GRIP1: variants seen among roughly 807,000 people sequenced by gnomAD.
The protein encoded by GRIP1 is glutamate receptor interacting protein 1, also known as glutamate receptor-interacting protein 1.
GRIP1 carries 45 observed loss-of-function variants against 129.9 expected under a neutral mutation model. That is an observed-to-expected ratio of 0.35 (90% CI 0.27 to 0.44). GRIP1 has a LOEUF of 0.44. Among genes scored for constraint, GRIP1 ranks in the 20% least tolerant of loss-of-function variants. The pLI is 1.00. For missense variants in GRIP1, 1,196 were observed against 1,396.8 expected (o/e 0.86, Z 2.29); for synonymous variants, 530 against 520.8 (o/e 1.02, Z -0.24).
At chr12:66,435,600 G>A (rs770005348) in intron 13 of GRIP1, among the ~76,000 whole-genome samples, 2 of 152,192 alleles carry the variant, frequency 1.3e-5, no homozygotes, top group Admixed American at 6.5e-5. Flanking sequence ...ATCTGTATAC[G>A]TATATAGCAT....
chr12:66,935,025 A>G (rs1032390804), intron 1 of GRIP1, among the ~76,000 whole-genome samples: 1 of 152,222 alleles, frequency 6.6e-6, no homozygotes, highest in Non-Finnish European at 1.5e-5. Flanking sequence ...AAAGGCTTGA[A>G]TCAGAAACAT....
intron 1 of GRIP1, among the ~76,000 whole-genome samples, chr12:66,693,399 C>T (rs574441974): frequency 6.6e-6 from 1 of 152,178 alleles, no homozygotes; most frequent in Non-Finnish European, 1.5e-5. Flanking sequence ...TCAGTTGGGG[C>T]TGGACAATGG....
At chr12:66,592,894 T>C (rs2139725575) in intron 2 of GRIP1, among the ~76,000 whole-genome samples, 1 of 152,350 alleles carries the variant, frequency 6.6e-6, no homozygotes, top group African/African-American at 2.4e-5. Context: ...TAAACATTGA[T>C]ATATGGTAGA....
intron 1 of GRIP1, among the ~76,000 whole-genome samples, chr12:67,002,635 G>A (rs2042567901): frequency 6.6e-6 from 1 of 152,100 alleles, no homozygotes; most frequent in Non-Finnish European, 1.5e-5. Flanking sequence ...GATTAATTGG[G>A]TTCATGATTC....
intron 1 of GRIP1, among the ~76,000 whole-genome samples, chr12:66,845,414 G>A (rs944004791): frequency 6.6e-6 from 1 of 152,142 alleles, no homozygotes; most frequent in Non-Finnish European, 1.5e-5. Flanking sequence ...CCGAGATCAG[G>A]CCACTGCACT....
intron 1 of GRIP1, among the ~76,000 whole-genome samples, chr12:66,845,099 A>T (rs2039790099): frequency 1.3e-5 from 2 of 152,338 alleles, no homozygotes; most frequent in South Asian, 4.1e-4. Flanking sequence ...TAAGATAGCA[A>T]ATTTCATGTT....
chr12:66,466,782 T>C (rs1267528447), intron 7 of GRIP1, among the ~76,000 whole-genome samples: 1 of 152,232 alleles, frequency 6.6e-6, no homozygotes, highest in Non-Finnish European at 1.5e-5. Flanking sequence ...CATATTGGTC[T>C]GTAATCTTTT....
chr12:67,045,084 C>T (rs1439687579), intron 1 of GRIP1, among the ~76,000 whole-genome samples: 1 of 152,200 alleles, frequency 6.6e-6, no homozygotes, highest in East Asian at 1.9e-4. Context: ...ATGCGCTCAA[C>T]ACTACTTGAG....
At chr12:66,477,065 T>G (rs2059639052) in intron 7 of GRIP1, among the ~76,000 whole-genome samples, 1 of 152,078 alleles carries the variant, frequency 6.6e-6, no homozygotes, top group Non-Finnish European at 1.5e-5. Flanking sequence ...GGGTATTCAA[T>G]TAGGAAAAGA....
At chr12:66,460,990 T>C (rs2059119291) in intron 9 of GRIP1, among the ~76,000 whole-genome samples, 1 of 152,198 alleles carries the variant, frequency 6.6e-6, no homozygotes, top group South Asian at 2.1e-4. Context: ...CAACTTTCAG[T>C]AAACGTAGAC....
At chr12:66,794,877 T>A (rs891446008) in intron 1 of GRIP1, among the ~76,000 whole-genome samples, 4 of 152,182 alleles carry the variant, frequency 2.6e-5, no homozygotes, top group African/African-American at 9.6e-5. Context: ...CATTGGTAGA[T>A]AAAACCAGCC....
At chr12:66,946,770 GGGT>G (rs1396398343) in intron 1 of GRIP1, among the ~76,000 whole-genome samples, 12 of 113,060 alleles carry the variant, frequency 1.1e-4, no homozygotes, top group African/African-American at 4.6e-4. Flanking sequence ...GGGGGTCGGG[GGGT>G]GGGGTGGGGG....
intron 11 of GRIP1, 27 bp from the exon 12 acceptor site, chr12:66,445,535 C>T (rs763546860): frequency 1.3e-6 from 2 of 1,573,278 alleles, no homozygotes; most frequent in Non-Finnish European, 1.7e-6. Flanking sequence ...AAAATACTGA[C>T]TTTAGGTTGG....
At chr12:66,698,910 G>A (rs956232447) in intron 1 of GRIP1, among the ~76,000 whole-genome samples, 8 of 152,132 alleles carry the variant, frequency 5.3e-5, no homozygotes, top group Non-Finnish European at 1.0e-4. Flanking sequence ...TCATAAGTGG[G>A]GAAAACAGCA....
At chr12:66,911,146 T>C (rs1317814700) in intron 1 of GRIP1, among the ~76,000 whole-genome samples, 1 of 152,194 alleles carries the variant, frequency 6.6e-6, no homozygotes, top group Non-Finnish European at 1.5e-5. Flanking sequence ...TGGTGATTTA[T>C]CAGGTGCTAC....
chr12:66,399,393 C>T (rs1281832302), intron 16 of GRIP1, among the ~76,000 whole-genome samples: 2 of 151,880 alleles, frequency 1.3e-5, no homozygotes, highest in Non-Finnish European at 2.9e-5. Flanking sequence ...GAGGCTGCTC[C>T]AGTGTAGAAG....
At chr12:66,887,732 T>C (rs1256660823) in intron 1 of GRIP1, among the ~76,000 whole-genome samples, 1 of 152,208 alleles carries the variant, frequency 6.6e-6, no homozygotes, top group Admixed American at 6.5e-5. Context: ...CTTACACTTT[T>C]CTTTAAAAAC....
intron 1 of GRIP1, among the ~76,000 whole-genome samples, chr12:67,032,724 G>C (rs1003774863): frequency 6.6e-6 from 1 of 152,158 alleles, no homozygotes; most frequent in Non-Finnish European, 1.5e-5. Context: ...GGGGGTGCAA[G>C]ATGTTGGGGA....
chr12:67,051,475 T>G (rs780680713), intron 1 of GRIP1, among the ~76,000 whole-genome samples: 12 of 152,212 alleles, frequency 7.9e-5, no homozygotes, highest in African/African-American at 2.9e-4. Context: ...TCCGTAATCC[T>G]ACTGTGACTG....
Sources: gnomAD v4.1 joint callset for allele counts (sites outside exome capture counted in the v4.1 genomes callset) on GRCh38, gnomAD v4.1.1 for gene constraint, MANE v1.5 for transcripts, NCBI Gene and HGNC (gene_info 2026-07-23, HGNC 2026-07-21) for gene names.